SLC6A3: variants seen among roughly 807,000 people sequenced by gnomAD.
SLC6A3 encodes sodium-dependent dopamine transporter.
A neutral mutation model predicts 70.4 loss-of-function variants in SLC6A3; 19 were observed. The observed-to-expected ratio is 0.27, with a 90% CI of 0.19 to 0.40. The LOEUF is 0.40. SLC6A3 is among the 10% of genes least tolerant of loss of function. SLC6A3 has a pLI of 1.00. For synonymous variants in SLC6A3, 368 were observed against 356.6 expected (o/e 1.03, Z -0.36); for missense variants, 613 against 838.5 (o/e 0.73, Z 3.32).
At position 1,443,192 on chromosome 5, in the gene SLC6A3, A is replaced by G. The variant is rs748147058; in HGVS notation, c.6T>C (p.Ser2=). 5.6e-6 allele frequency: 9 copies of G among 1,614,202 alleles called. No individual in the cohort carries two copies. Among genetic ancestry groups the G allele is most frequent in the Non-Finnish European group, 7.6e-6 (9 of 1,180,022 alleles). M[S]KSKCSVGLMS... is the part of the protein sequence containing the mutation. Reference sequence around the variant, plus strand: ...TGAGTCCCACGGAGCATTTGCTCTTACTCATGGGCACACTGGGAGTTGAGG... The same window carrying G: ...TGAGTCCCACGGAGCATTTGCTCTTGCTCATGGGCACACTGGGAGTTGAGG... The change falls in exon 2 of 15, where the codon AGT becomes AGC. Residue 2 remains serine (S), a synonymous_variant. Coordinates refer to ENST00000270349, the MANE Select transcript of SLC6A3 (RefSeq NM_001044.5).
chr5:1,416,349 G>A (rs141140029), intron 6 of SLC6A3, 148 bp from the exon 7 acceptor site: 3 of 695,914 alleles, frequency 4.3e-6, no homozygotes, highest in South Asian at 3.0e-5. Context: ...GACGACTGGT[G>A]GAAGATGCAG....
At position 1,393,229 on chromosome 5, in the gene SLC6A3, C is replaced by T. The variant is rs3797200; in HGVS notation, c.*1506G>A. 32,750 of 152,234 alleles carry T rather than the reference C, an allele frequency of 0.22. 3,797 individuals carry two copies. Among genetic ancestry groups the T allele is most frequent in the Middle Eastern group, 0.4 (117 of 294 alleles). 9.4% of individuals were successfully genotyped at this position (152,234 alleles called of 1,614,324 possible). On this transcript the variant is annotated 3_prime_UTR_variant, in exon 15 of 15. Coordinates refer to ENST00000270349, the MANE Select transcript of SLC6A3 (RefSeq NM_001044.5). ...GCACGGCCCCTGCCCTCGGGCAGCA[C>T]GTAGGCAGGCCCACCGACTTGAGGC... is the stretch of plus-strand genomic sequence containing the variant.
rs1756870941 is a variant in SLC6A3 at position 1,437,706 on chromosome 5, G to C, written c.418+3653C>G. 6.6e-6 allele frequency among the ~76,000 whole-genome samples: 1 copy of C among 152,218 alleles called. No individual in the cohort carries two copies. On this transcript the variant is annotated intron_variant, in intron 3 of 14. Transcript: ENST00000270349. The surrounding 1 kb of genome is among the most constrained non-coding windows in gnomAD (Gnocchi z 4.8). ...AGGGTGGATCTTGGCTCCCAGTTAG[G>C]AGCAGGGAGCAGCTCGCAGGTCTGC...
chr5:1,417,199 C>G lies in SLC6A3; in HGVS notation c.928-998G>C, dbSNP rs543956007. ...ATGATGGCGGCTTCCTGATAACCCT[C>G]AGAACATCATGGATCATCCACAAGC... On this transcript the variant is annotated intron_variant, in intron 6 of 14. Transcript: ENST00000270349. 2.0e-5 allele frequency among the ~76,000 whole-genome samples: 3 copies of G among 151,252 alleles called. No individual in the cohort carries two copies. In the South Asian group the frequency reaches 6.3e-4, roughly 32 times the overall value.
rs1351206994 is a variant in SLC6A3 at position 1,406,390 on chromosome 5, C to T, written c.1499-102G>A. 7 of 1,010,524 alleles carry T rather than the reference C, an allele frequency of 6.9e-6. No individual in the cohort carries two copies. The highest frequency in any genetic ancestry group is 3.2e-5 in the African/African-American group (2 of 63,148). 62.6% of individuals were successfully genotyped at this position (1,010,524 alleles called of 1,614,324 possible). ...GCTGACTCCCAAGGGCCCCACCTAC[C>T]GGCCCCAGGCTTCGGCTGCACCCAG... is the stretch of plus-strand genomic sequence containing the variant. On this transcript the variant is annotated intron_variant, in intron 11 of 14. Transcript: ENST00000270349. The surrounding 1 kb of genome is among the most constrained non-coding windows in gnomAD (Gnocchi z 8.8).
intron 3 of SLC6A3, among the ~76,000 whole-genome samples, chr5:1,440,157 G>A (rs1756940081): frequency 6.6e-6 from 1 of 152,196 alleles, no homozygotes; most frequent in South Asian, 2.1e-4. Context: ...ATAGGTGGAT[G>A]GATGGATTAA....
Position 1,401,298 on chromosome 5 carries a change from T to C in SLC6A3, c.1768-312A>G, listed in dbSNP as rs1755844856. 3.4e-6 allele frequency: 2 copies of C among 587,810 alleles called. No homozygotes were observed. Among genetic ancestry groups the C allele is most frequent in the South Asian group, 3.0e-5 (2 of 65,702 alleles). The allele number at this position is 587,810 out of a possible 1,614,324, so 36.4% of individuals were successfully genotyped here. A position where few individuals can be genotyped will look rare whatever the true frequency, so the allele number is the denominator to read the frequency against. On this transcript the variant is annotated intron_variant, in intron 13 of 14. Transcript: ENST00000270349. The surrounding 1 kb of genome is among the most constrained non-coding windows in gnomAD (Gnocchi z 6.1). The stretch of plus-strand genomic sequence containing the variant: ...AATAAAACGTGGTCCTGGAGATGGC[T>C]CTTGAGTCTAAGCTACCACGTGTGC...
chr5:1,419,546 C>T (rs1427789367), intron 6 of SLC6A3, among the ~76,000 whole-genome samples: 1 of 152,206 alleles, frequency 6.6e-6, no homozygotes, highest in Non-Finnish European at 1.5e-5. Flanking sequence ...GATTCTGTAA[C>T]ATGCCATGGT....
intron 3 of SLC6A3, 144 bp downstream of exon 3, chr5:1,441,215 C>T (rs1037339960): frequency 2.1e-6 from 2 of 951,724 alleles, no homozygotes; most frequent in East Asian, 4.9e-5. Context: ...AAGGTGGGAC[C>T]CAAGTTCAAG....
chr5:1,411,176 G>A lies in SLC6A3; in HGVS notation c.1269+67C>T. ...AGGGATCTTGCCTAGCCCTGGGAGG[G>A]CAGGGCCCCCTCGGGTGGAAGGAAC... On this transcript the variant is annotated intron_variant, in intron 9 of 14. Coordinates refer to ENST00000270349, the MANE Select transcript of SLC6A3 (RefSeq NM_001044.5). The surrounding 1 kb of genome is among the most constrained non-coding windows in gnomAD (Gnocchi z 6.5). The A allele has an allele frequency of 8.9e-7, 1 of 1,126,966 alleles. No individual in the cohort carries two copies. Among genetic ancestry groups the A allele is most frequent in the Non-Finnish European group, 1.3e-6 (1 of 763,358 alleles). 69.8% of individuals were successfully genotyped at this position (1,126,966 alleles called of 1,614,324 possible).
chr5:1,402,014 T>G lies in SLC6A3; in HGVS notation c.1767+908A>C, dbSNP rs1407825836. ...CTGGGCCTTGGCCTGGCCAGGCTGC[T>G]GGAGAGACTGGCTCAGTGCCAGCCT... is the stretch of plus-strand genomic sequence containing the variant. On this transcript the variant is annotated intron_variant, in intron 13 of 14. Transcript: ENST00000270349. The surrounding 1 kb of genome is among the most constrained non-coding windows in gnomAD (Gnocchi z 8.5). Among the ~76,000 whole-genome samples, 1 of 152,180 alleles carries G rather than the reference T, an allele frequency of 6.6e-6. No individual in the cohort carries two copies. The highest frequency in any genetic ancestry group is 1.5e-5 in the Non-Finnish European group (1 of 68,022).
Position 1,394,557 on chromosome 5 carries a change from C to T in SLC6A3, c.*178G>A, listed in dbSNP as rs957340763. The T allele has an allele frequency of 8.8e-5, 64 of 728,402 alleles. 1 individual carries two copies. The highest frequency in any genetic ancestry group is 3.4e-4 in the South Asian group (23 of 67,824). The allele number at this position is 728,402 out of a possible 1,614,324, so 45.1% of individuals were successfully genotyped here. A position where few individuals can be genotyped will look rare whatever the true frequency, so the allele number is the denominator to read the frequency against. On this transcript the variant is annotated 3_prime_UTR_variant, in exon 15 of 15. Transcript: ENST00000270349. This position sits in a 1 kb window ranked among gnomAD's most constrained non-coding sequence, Gnocchi z 4.7. ...CACAAGACACGGCGAGGTGCGCTCC[C>T]GGCACGGAAAGGTGTAAACAGTCAG... is the stretch of plus-strand genomic sequence containing the variant.
intron 10 of SLC6A3, 69 bp downstream of exon 10, chr5:1,409,652 C>A (rs1047931287): frequency 9.4e-6 from 15 of 1,588,256 alleles, no homozygotes; most frequent in Admixed American, 6.7e-5. Context: ...ACAGTCCCAG[C>A]CAGGGCGCCC....
At chr5:1,412,250 G>A (rs997786103) in intron 8 of SLC6A3, among the ~76,000 whole-genome samples, 1 of 152,240 alleles carries the variant, frequency 6.6e-6, no homozygotes, top group East Asian at 1.9e-4. Context: ...GTAGAGGAGT[G>A]TGTGGCTCCT....
At position 1,421,735 on chromosome 5, in the gene SLC6A3, G is replaced by A. The variant is rs1009352939; in HGVS notation, c.792+141C>T. On this transcript the variant is annotated intron_variant, in intron 5 of 14. Coordinates refer to ENST00000270349, the MANE Select transcript of SLC6A3 (RefSeq NM_001044.5). This position sits in a 1 kb window ranked among gnomAD's most constrained non-coding sequence, Gnocchi z 7.2. ...CTCCCAAACTCAACCATGGCCATGT[G>A]TCCACCCCAACCTGGCCATGGCCAC... 3.4e-6 allele frequency: 3 copies of A among 892,628 alleles called. No homozygotes were observed. In the African/African-American group the frequency reaches 4.9e-5, roughly 15 times the overall value. 55.3% of individuals were successfully genotyped at this position (892,628 alleles called of 1,614,324 possible). A position where few individuals can be genotyped will look rare whatever the true frequency, so the allele number is the denominator to read the frequency against.
chr5:1,435,199 G>A (rs1042351337), intron 3 of SLC6A3, among the ~76,000 whole-genome samples: 7 of 152,232 alleles, frequency 4.6e-5, no homozygotes, highest in Non-Finnish European at 7.3e-5. Context: ...AGTCCCTTAG[G>A]AGAGAGGCTG....
intron 8 of SLC6A3, 103 bp downstream of exon 8, chr5:1,414,588 G>A: frequency 7.3e-7 from 1 of 1,375,710 alleles, no homozygotes; most frequent in Admixed American, 2.0e-5. Flanking sequence ...AAGTCGCTCA[G>A]GGCCCATGCG....
At chr5:1,409,257 C>T in intron 10 of SLC6A3, 132 bp from the exon 11 acceptor site, 1 of 733,228 alleles carries the variant, frequency 1.4e-6, no homozygotes, top group South Asian at 1.5e-5. Context: ...AAATTCAACC[C>T]ACATGCAGCT....
At position 1,409,721 on chromosome 5, in the gene SLC6A3, G is replaced by C; in HGVS notation, c.1398C>G (p.Asn466Lys). Residue 466 changes from asparagine (N) to lysine (K), a missense_variant and splice_region_variant, in exon 10 of 15, where the codon AAC becomes AAG. Asn to Lys is a moderately conservative substitution (Grantham distance 94). Transcript: ENST00000270349. ...AGGCGAAGCCGGCGATGGTACGTAC[G>C]TTGGTGACGCAGAACAGGGACAGGA... is the stretch of plus-strand genomic sequence containing the variant. ...TFLLSLFCVT[N>K]GGIYVFTLLD... is the part of the protein sequence containing the mutation. The C allele has an allele frequency of 6.2e-7, 1 of 1,613,260 alleles. No homozygotes were observed. Among genetic ancestry groups the C allele is most frequent in the Admixed American group, 1.7e-5 (1 of 60,030 alleles).
Sources: gnomAD v4.1 joint callset for allele counts (sites outside exome capture counted in the v4.1 genomes callset) on GRCh38, gnomAD v4.1.1 for gene constraint, Gnocchi (gnomAD v3.1) non-coding constraint, MANE v1.5 for transcripts, NCBI Gene and HGNC (gene_info 2026-07-23, HGNC 2026-07-21) for gene names.